The following NDUFAF1 variants were observed in gnomAD, a reference collection of about 807,000 sequenced individuals.
The protein encoded by NDUFAF1 is complex I intermediate-associated protein 30, mitochondrial.
NDUFAF1 carries 18 observed loss-of-function variants against 28.7 expected under a neutral mutation model. The observed-to-expected ratio is 0.63, with a 90% CI of 0.43 to 0.93. The LOEUF is 0.93. Ranked by LOEUF, NDUFAF1 falls within the 40% of genes least tolerant of loss-of-function variation. The probability of loss-of-function intolerance (pLI) is 0.00; values close to 1 mark genes in which losing one functional copy is unlikely to be tolerated. For missense variants in NDUFAF1, 404 were observed against 398.3 expected (o/e 1.01, Z -0.12); for synonymous variants, 113 against 139.7 (o/e 0.81, Z 1.35).
Position 41,396,793 on chromosome 15 carries a change from T to G in NDUFAF1, c.267A>C (p.Glu89Asp). 6.2e-7 allele frequency: 1 copy of G among 1,614,168 alleles called. No individual in the cohort carries two copies. The highest frequency in any genetic ancestry group is 1.6e-4 in the Middle Eastern group (1 of 6,062). Reference protein sequence around the residue: ...DVSFDKAIRDEAIYHFRLLKD... With the variant: ...DVSFDKAIRDDAIYHFRLLKD... ...TCAAAAGCCTAAAATGGTATATTGC[T>G]TCATCTCTAATTGCTTTATCGAAAC... The change falls in exon 2 of 5, where the codon GAA (glutamate) becomes GAC (aspartate). Residue 89 changes from glutamate (E) to aspartate (D), a missense_variant. By Grantham distance (45) the Glu-to-Asp change is conservative. Coordinates refer to ENST00000260361, the MANE Select transcript of NDUFAF1 (RefSeq NM_016013.4).
At chr15:41,400,369 CA>C (rs1179539276) in intron 1 of NDUFAF1, among the ~76,000 whole-genome samples, 34,009 of 91,798 alleles carry the variant, frequency 0.37, 4,051 homozygotes, top group Non-Finnish European at 0.4. Flanking sequence ...AATTCCATCT[CA>C]AAAAAAAAAA....
chr15:41,395,712 T>C (rs1339264388), intron 2 of NDUFAF1, among the ~76,000 whole-genome samples: 1 of 146,016 alleles, frequency 6.8e-6, no homozygotes, highest in African/African-American at 2.5e-5. Context: ...TTCGCTCTTG[T>C]TGCCCAGACT....
intron 2 of NDUFAF1, among the ~76,000 whole-genome samples, chr15:41,396,225 C>T (rs796458047): frequency 2.0e-5 from 3 of 152,048 alleles, no homozygotes; most frequent in African/African-American, 7.2e-5. Flanking sequence ...TCTCAGGATT[C>T]CTGAAACATA....
chr15:41,388,780 G>A (rs1384298985), intron 3 of NDUFAF1, among the ~76,000 whole-genome samples: 1 of 149,868 alleles, frequency 6.7e-6, no homozygotes, highest in Admixed American at 6.6e-5. Context: ...TCTTTCTGTG[G>A]AGAATGGGGT....
At chr15:41,402,083 T>G (rs2050470656) in intron 1 of NDUFAF1, 61 bp downstream of exon 1, 1 of 390,172 alleles carries the variant, frequency 2.6e-6, no homozygotes, top group Admixed American at 2.6e-5. Flanking sequence ...ACGGTGGGTT[T>G]TGACAACACA....
intron 3 of NDUFAF1, among the ~76,000 whole-genome samples, chr15:41,389,895 C>T (rs968956634): frequency 1.3e-5 from 2 of 152,020 alleles, no homozygotes; most frequent in Admixed American, 1.3e-4. Context: ...AGAGTTTGTT[C>T]CGACAGTAGA....
At chr15:41,393,847 A>G (rs976617990) in intron 3 of NDUFAF1, among the ~76,000 whole-genome samples, 1 of 151,932 alleles carries the variant, frequency 6.6e-6, no homozygotes, top group Non-Finnish European at 1.5e-5. Flanking sequence ...CTGGGATTAC[A>G]GGCATGAGCC....
intron 3 of NDUFAF1, among the ~76,000 whole-genome samples, chr15:41,392,488 G>C (rs1441509103): frequency 6.6e-6 from 1 of 152,088 alleles, no homozygotes; most frequent in African/African-American, 2.4e-5. Flanking sequence ...TCAAGGGAGG[G>C]ACCAGGTGAA....
rs2050476282 is a variant in NDUFAF1, at chr15:41,402,369, C to T, written c.-307G>A. 4.4e-6 allele frequency: 2 copies of T among 453,218 alleles called. No individual in the cohort carries two copies. Among genetic ancestry groups the T allele is most frequent in the Non-Finnish European group, 4.4e-6 (1 of 226,130 alleles). 28.1% of individuals were successfully genotyped at this position (453,218 alleles called of 1,614,324 possible). ...GACGGTTCGCCGCGCTGGGGAGGCC[C>T]CCTCAACCCTCAAGTGCCAGGGCTC... On this transcript the variant is annotated 5_prime_UTR_variant, in exon 1 of 5. Coordinates refer to ENST00000260361, the MANE Select transcript of NDUFAF1 (RefSeq NM_016013.4).
chr15:41,390,724 C>CA lies in NDUFAF1; in HGVS notation c.760-2203dup, dbSNP rs574547415. 3.2e-3 allele frequency among the ~76,000 whole-genome samples: 371 copies of CA among 117,594 alleles called. 4 individuals are homozygous for CA. Among genetic ancestry groups the CA allele is most frequent in the South Asian group, 0.026 (97 of 3,752 alleles). The allele number at this position is 117,594 out of a possible 152,430, so 77.1% of individuals were successfully genotyped here. Reference sequence around the variant, plus strand: ...TGGGCAACAGAGCCAGACTCTGTCTCAAAAAAAAAAAAAATAGTATTTTAT... The same window carrying CA: ...TGGGCAACAGAGCCAGACTCTGTCTCAAAAAAAAAAAAAAATAGTATTTTAT... On this transcript the variant is annotated intron_variant, in intron 3 of 4. Coordinates refer to ENST00000260361, the MANE Select transcript of NDUFAF1 (RefSeq NM_016013.4).
At chr15:41,397,960 G>A (rs924504196) in intron 1 of NDUFAF1, among the ~76,000 whole-genome samples, 31 of 150,194 alleles carry the variant, frequency 2.1e-4, no homozygotes, top group African/African-American at 7.1e-4. Flanking sequence ...GGGAGGAGGA[G>A]GCTGCAGTGA....
In NDUFAF1 at chr15:41,396,612, C is replaced by A. The variant is rs2050390993; in HGVS notation, c.448G>T (p.Val150Leu). 6.2e-7 allele frequency: 1 copy of A among 1,614,114 alleles called. No homozygotes were observed. The highest frequency in any genetic ancestry group is 1.3e-5 in the African/African-American group (1 of 75,018). Residue 150 changes from valine to leucine, a missense_variant, in exon 2 of 5, where the codon GTG becomes TTG. By Grantham distance (32) the Val-to-Leu change is conservative. Coordinates refer to ENST00000260361, the MANE Select transcript of NDUFAF1 (RefSeq NM_016013.4). ...SDKTIGGRSE[V>L]FLKMGKNNQS... ...TTATTCTTGCCCATTTTCAAAAACA[C>A]TTCACTTCTGCCTCCAATCGTCTTA...
intron 2 of NDUFAF1, among the ~76,000 whole-genome samples, chr15:41,395,669 CTTTTTTTTTT>C (rs11318328): frequency 3.2e-5 from 2 of 63,192 alleles, no homozygotes; most frequent in African/African-American, 1.3e-4. Context: ...TGCGCCCGGC[CTTTTTTTTTT>C]TTTTTTTTTT....
Position 41,394,859 on chromosome 15 carries a change from C to T in NDUFAF1, c.759G>A (p.Lys253=), listed in dbSNP as rs1253597657. The T allele has an allele frequency of 7.4e-6, 12 of 1,613,816 alleles. No individual in the cohort carries two copies. The highest frequency in any genetic ancestry group is 1.3e-5 in the African/African-American group (1 of 74,900). Residue 253 remains lysine, a splice_region_variant and synonymous_variant, in exon 3 of 5, where the codon AAG becomes AAA. Coordinates refer to ENST00000260361, the MANE Select transcript of NDUFAF1 (RefSeq NM_016013.4). The part of the protein sequence containing the change: ...TRGGPYWQEV[K]IPFSKFFFSN... ...AAACAATGAAGATTTATGCTGTTAC[C>T]TTGACCTCCTGCCAGTAGGGTCCCC...
chr15:41,398,004 A>C (rs2050413796), intron 1 of NDUFAF1, among the ~76,000 whole-genome samples: 1 of 143,946 alleles, frequency 6.9e-6, no homozygotes, highest in Non-Finnish European at 1.5e-5. Flanking sequence ...CAGCCTGGCA[A>C]CAGAGCGAGA....
chr15:41,398,407 CCAGGAGG>C (rs2050419649), intron 1 of NDUFAF1, among the ~76,000 whole-genome samples: 1 of 151,114 alleles, frequency 6.6e-6, no homozygotes, highest in African/African-American at 2.4e-5. Context: ...TCACTTGAAC[CCAGGAGG>C]CAGGGATTGC....
intron 3 of NDUFAF1, among the ~76,000 whole-genome samples, chr15:41,394,531 T>C (rs2050357402): frequency 1.3e-5 from 2 of 151,800 alleles, no homozygotes; most frequent in Admixed American, 1.3e-4. Context: ...CATTTATGTC[T>C]CTTAACCTTT....
At position 41,395,055 on chromosome 15, in the gene NDUFAF1, G is replaced by T; in HGVS notation, c.574-11C>A. 3 of 1,612,630 alleles carry T rather than the reference G, an allele frequency of 1.9e-6. No homozygotes were observed. The highest frequency in any genetic ancestry group is 1.7e-5 in the Admixed American group (1 of 59,692). ...CCTCTCAAAAGCACCCTAAGATATT[G>T]AAAGTAAAGTTCATTGTACCTCATT... On this transcript the variant is annotated splice_polypyrimidine_tract_variant and intron_variant, in intron 2 of 4. Coordinates refer to ENST00000260361, the MANE Select transcript of NDUFAF1 (RefSeq NM_016013.4).
chr15:41,396,466 T>C, intron 2 of NDUFAF1, 21 bp downstream of exon 2: 2 of 1,610,966 alleles, frequency 1.2e-6, no homozygotes, highest in Non-Finnish European at 1.7e-6. Context: ...TAGAAAACGA[T>C]GGCTCCTGGG....
Sources: allele counts gnomAD v4.1 joint callset (sites outside exome capture counted in the v4.1 genomes callset), GRCh38; gene constraint gnomAD v4.1.1; transcripts MANE v1.5; gene names NCBI Gene and HGNC (gene_info 2026-07-23, HGNC 2026-07-21).